ARIH1: variants seen among roughly 807,000 people sequenced by gnomAD.
ARIH1 encodes the protein E3 ubiquitin-protein ligase ARIH1.
A neutral mutation model predicts 85.0 loss-of-function variants in ARIH1; 8 were observed. That is an observed-to-expected ratio of 0.09 (90% CI 0.06 to 0.17). The LOEUF is 0.17. Ranked by LOEUF, ARIH1 falls within the 10% of genes least tolerant of loss-of-function variation. The pLI is 1.00. For missense variants in ARIH1, 311 were observed against 718.1 expected (o/e 0.43, Z 6.48); for synonymous variants, 238 against 253.6 (o/e 0.94, Z 0.59).
chr15:72,582,441 A>G lies in ARIH1; in HGVS notation c.1589+254A>G, dbSNP rs1404993875. ...TTCAGTTATTTAGTTGCTACCTTGC[A>G]AGGAAGAAAGAATCCAAAAAGGCCA... On this transcript the variant is annotated intron_variant, in intron 13 of 13. Coordinates refer to ENST00000379887, the MANE Select transcript of ARIH1 (RefSeq NM_005744.5). The surrounding 1 kb of genome is among the most constrained non-coding windows in gnomAD (Gnocchi z 4.6). Among the ~76,000 whole-genome samples, 1 of 152,170 alleles carries G rather than the reference A, an allele frequency of 6.6e-6. No homozygotes were observed. Among genetic ancestry groups the G allele is most frequent in the Non-Finnish European group, 1.5e-5 (1 of 68,020 alleles).
Position 72,591,892 on chromosome 15 carries a change from G to C in ARIH1, c.*8600G>C, listed in dbSNP as rs1037968506. 2 of 152,158 alleles carry C rather than the reference G, an allele frequency of 1.3e-5. No individual in the cohort carries two copies. The highest frequency in any genetic ancestry group is 2.9e-5 in the Non-Finnish European group (2 of 68,026). The allele number at this position is 152,158 out of a possible 1,614,324, so 9.4% of individuals were successfully genotyped here. A position where few individuals can be genotyped will look rare whatever the true frequency, so the allele number is the denominator to read the frequency against. On this transcript the variant is annotated 3_prime_UTR_variant, in exon 14 of 14. Transcript: ENST00000379887. Reference sequence around the variant, plus strand: ...CTATCTAACTAGGGAAAGCACTAAAGAGTTTTCCAATAAGGAAGAATGATC... The same window carrying C: ...CTATCTAACTAGGGAAAGCACTAAACAGTTTTCCAATAAGGAAGAATGATC...
At chr15:72,517,922 T>C in intron 1 of ARIH1, 145 bp from the exon 2 acceptor site, 1 of 583,766 alleles carries the variant, frequency 1.7e-6, no homozygotes, top group Non-Finnish European at 3.0e-6. Flanking sequence ...CATTCAAATA[T>C]ATTTCCTTAG....
At chr15:72,570,365 G>A in intron 10 of ARIH1, 58 bp downstream of exon 10, 6 of 1,597,712 alleles carry the variant, frequency 3.8e-6, no homozygotes, top group African/African-American at 1.3e-5. Flanking sequence ...CATGTATTAT[G>A]AATAACATTT....
chr15:72,580,663 T>G, intron 11 of ARIH1, 68 bp from the exon 12 acceptor site: 1 of 1,428,544 alleles, frequency 7.0e-7, no homozygotes, highest in South Asian at 1.4e-5. Context: ...GGTTTTAATT[T>G]GATAATCAGC....
At chr15:72,496,640 G>A (rs1002419849) in intron 1 of ARIH1, among the ~76,000 whole-genome samples, 3 of 152,186 alleles carry the variant, frequency 2.0e-5, no homozygotes, top group Non-Finnish European at 4.4e-5. Context: ...CAAATACCAA[G>A]TTCAGGTATT....
intron 1 of ARIH1, among the ~76,000 whole-genome samples, chr15:72,505,972 G>C (rs929356104): frequency 6.6e-6 from 1 of 152,086 alleles, no homozygotes; most frequent in Non-Finnish European, 1.5e-5. Context: ...CTGACCTCAT[G>C]ATCCACCCTC....
At chr15:72,514,848 A>G (rs1007722348) in intron 1 of ARIH1, among the ~76,000 whole-genome samples, 1 of 151,958 alleles carries the variant, frequency 6.6e-6, no homozygotes, top group African/African-American at 2.4e-5. Context: ...AAAATAAAGA[A>G]AATTAGCTGA....
chr15:72,505,855 C>T (rs570380875), intron 1 of ARIH1, among the ~76,000 whole-genome samples: 15 of 152,200 alleles, frequency 9.9e-5, no homozygotes, highest in African/African-American at 3.4e-4. Context: ...CCTTCTTCAG[C>T]CTCCCGAGGA....
At chr15:72,576,691 C>T (rs1373669531) in intron 11 of ARIH1, among the ~76,000 whole-genome samples, 1 of 151,646 alleles carries the variant, frequency 6.6e-6, no homozygotes, top group Non-Finnish European at 1.5e-5. Context: ...TGTAATAATA[C>T]AAAACAAATC....
rs1205913431 is a variant in ARIH1, at chr15:72,475,070, C to G, written c.375+56C>G. 7 of 1,540,716 alleles carry G rather than the reference C, an allele frequency of 4.5e-6. No homozygotes were observed. In the Admixed American group the frequency reaches 5.9e-5, roughly 13 times the overall value. The stretch of plus-strand genomic sequence containing the variant: ...GGCCCGACGGGGGAGCGGATTCAGG[C>G]GGCACGCGCGGTCCCGAGGGACAGG... On this transcript the variant is annotated intron_variant, in intron 1 of 13. Coordinates refer to ENST00000379887, the MANE Select transcript of ARIH1 (RefSeq NM_005744.5).
chr15:72,551,472 C>T (rs2064152596), intron 3 of ARIH1, among the ~76,000 whole-genome samples: 1 of 152,084 alleles, frequency 6.6e-6, no homozygotes, highest in African/African-American at 2.4e-5. Flanking sequence ...AGCAGTGGAA[C>T]AGGATACAGT....
At chr15:72,543,847 G>T (rs1009445454) in intron 2 of ARIH1, among the ~76,000 whole-genome samples, 1 of 143,280 alleles carries the variant, frequency 7.0e-6, no homozygotes, top group African/African-American at 2.6e-5. Context: ...AGATTGAAAA[G>T]TTTTTTTTTT....
chr15:72,508,549 A>G (rs537708299), intron 1 of ARIH1, among the ~76,000 whole-genome samples: 1 of 152,356 alleles, frequency 6.6e-6, no homozygotes, highest in East Asian at 1.9e-4. Context: ...TAAAATGTAA[A>G]TCATATCTAA....
At position 72,474,477 on chromosome 15, in the gene ARIH1, G is replaced by A. The variant is rs2063784743; in HGVS notation, c.-163G>A. 2.1e-6 allele frequency: 2 copies of A among 965,360 alleles called. No homozygotes were observed. Among genetic ancestry groups the A allele is most frequent in the Non-Finnish European group, 2.9e-6 (2 of 688,274 alleles). The allele number at this position is 965,360 out of a possible 1,614,324, so 59.8% of individuals were successfully genotyped here. ...CGCGCCCTCCCCGCCGCCACCAGCC[G>A]TCAAACGCCAACCGCCGCTCCTGGG... On this transcript the variant is annotated 5_prime_UTR_variant, in exon 1 of 14. Transcript: ENST00000379887.
intron 8 of ARIH1, among the ~76,000 whole-genome samples, chr15:72,566,889 C>T (rs2064223398): frequency 6.6e-6 from 1 of 152,060 alleles, no homozygotes; most frequent in Non-Finnish European, 1.5e-5. Context: ...CTCTAGGTTC[C>T]CCACTCAGCT....
chr15:72,521,070 C>G (rs1308176967), intron 2 of ARIH1, among the ~76,000 whole-genome samples: 1 of 151,946 alleles, frequency 6.6e-6, no homozygotes, highest in Admixed American at 6.6e-5. Flanking sequence ...GTCTCAAACT[C>G]CTGGACCCAA....
At chr15:72,553,016 C>G (rs1257363798) in intron 3 of ARIH1, among the ~76,000 whole-genome samples, 1 of 152,086 alleles carries the variant, frequency 6.6e-6, no homozygotes, top group African/African-American at 2.4e-5. Context: ...TGTAAGTGAT[C>G]CGCCCACCTC....
chr15:72,498,690 A>G (rs2063890083), intron 1 of ARIH1, among the ~76,000 whole-genome samples: 1 of 151,928 alleles, frequency 6.6e-6, no homozygotes, highest in African/African-American at 2.4e-5. Flanking sequence ...CTAAAAATAC[A>G]TTAGCTGGGT....
At position 72,474,561 on chromosome 15, in the gene ARIH1, G is replaced by T; in HGVS notation, c.-79G>T. On this transcript the variant is annotated 5_prime_UTR_variant, in exon 1 of 14. Transcript: ENST00000379887. ...CTGCGTCCGGACATCAGCCGGAGCC[G>T]GAGCGAGAGCCGGGGCCTCGGCGTC... 2.1e-6 allele frequency: 3 copies of T among 1,456,258 alleles called. No homozygotes were observed. Among genetic ancestry groups the T allele is most frequent in the Non-Finnish European group, 2.7e-6 (3 of 1,105,420 alleles). The allele number at this position is 1,456,258 out of a possible 1,614,324, so 90.2% of individuals were successfully genotyped here.
Sources: gnomAD v4.1 joint callset for allele counts (sites outside exome capture counted in the v4.1 genomes callset) on GRCh38, gnomAD v4.1.1 for gene constraint, Gnocchi (gnomAD v3.1) non-coding constraint, MANE v1.5 for transcripts, NCBI Gene and HGNC (gene_info 2026-07-23, HGNC 2026-07-21) for gene names.